The following HMX3 variants were observed in gnomAD, a reference collection of about 807,000 sequenced individuals.
HMX3 encodes homeobox protein HMX3.
Under a neutral mutation model 22.8 loss-of-function variants are expected in HMX3, and 8 were observed. The ratio of observed to expected loss-of-function variants is 0.35; its 90% CI spans 0.21 to 0.63. The LOEUF is 0.63. Among genes scored for constraint, HMX3 ranks in the 30% least tolerant of loss-of-function variants. HMX3 has a pLI of 0.72. For missense variants in HMX3, 527 were observed against 520.6 expected, an observed-to-expected ratio of 1.01 and a Z score of -0.12; for synonymous variants, 331 against 250.9, an observed-to-expected ratio of 1.32 and a Z score of -3.02.
In HMX3 at chr10:123,136,911, G is replaced by GA; in HGVS notation, c.401-145dup. The GA allele has an allele frequency of 3.2e-6, 3 of 942,878 alleles. No homozygotes were observed. In the South Asian group the frequency reaches 5.6e-5, roughly 18 times the overall value. 58.4% of individuals were successfully genotyped at this position (942,878 alleles called of 1,614,324 possible). On this transcript the variant is annotated intron_variant, in intron 1 of 1. Coordinates refer to ENST00000357878, the MANE Select transcript of HMX3 (RefSeq NM_001105574.2). This position sits in a 1 kb window ranked among gnomAD's most constrained non-coding sequence, Gnocchi z 4.8. ...GGCGTCCCTTCTCTGGCCCAGCCGA[G>GA]AAGGAGGCAGCCCGCGGGAATGGTG...
chr10:123,136,497 C>G lies in HMX3; in HGVS notation c.400+47C>G, dbSNP rs1257200716. The G allele has an allele frequency of 7.8e-7, 1 of 1,287,518 alleles. No individual in the cohort carries two copies. The highest frequency in any genetic ancestry group is 1.0e-6 in the Non-Finnish European group (1 of 998,304). The allele number at this position is 1,287,518 out of a possible 1,614,324, so 79.8% of individuals were successfully genotyped here. On this transcript the variant is annotated intron_variant, in intron 1 of 1. Coordinates refer to ENST00000357878, the MANE Select transcript of HMX3 (RefSeq NM_001105574.2). This position sits in a 1 kb window ranked among gnomAD's most constrained non-coding sequence, Gnocchi z 4.8. ...TTCGTTGTCCCCCTGCGCGCCCGCC[C>G]CGTCCCCGCCCCGCGCTGCTTCCCT...
chr10:123,138,632 C>A lies in HMX3; in HGVS notation c.*901C>A, dbSNP rs960326599. 6.6e-6 allele frequency among the ~76,000 whole-genome samples: 1 copy of A among 152,158 alleles called. No homozygotes were observed. The highest frequency in any genetic ancestry group is 1.5e-5 in the Non-Finnish European group (1 of 68,040). On this transcript the variant is annotated 3_prime_UTR_variant, in exon 2 of 2. Transcript: ENST00000357878. ...GAATCCCGACTCAGGCCGCTTTTCT[C>A]TTCTGGAGAGGTCTGTTGCAATTAG... is the stretch of plus-strand genomic sequence containing the variant.
At position 123,137,022 on chromosome 10, in the gene HMX3, G is replaced by C. The variant is rs1193505540; in HGVS notation, c.401-36G>C. 6.4e-7 allele frequency: 1 copy of C among 1,564,510 alleles called. No individual in the cohort carries two copies. Among genetic ancestry groups the C allele is most frequent in the Non-Finnish European group, 8.6e-7 (1 of 1,157,612 alleles). ...GGGCCTCGCTCAAGGCTGTGTCGGT[G>C]TGCATGTGTGTGCGTCCGTCTGTCT... is the stretch of plus-strand genomic sequence containing the variant. On this transcript the variant is annotated intron_variant, in intron 1 of 1. Transcript: ENST00000357878. This position sits in a 1 kb window ranked among gnomAD's most constrained non-coding sequence, Gnocchi z 5.8.
Position 123,137,458 on chromosome 10 carries a change from C to G in HMX3, c.801C>G (p.Thr267=), listed in dbSNP as rs1222037211. ...GCCTGGCCGCGTCCCTGCACCTCAC[C>G]GAGACGCAGGTCAAGATCTGGTTCC... ...RAGLAASLHL[T]ETQVKIWFQN... is the part of the protein sequence containing the mutation. Residue 267 remains threonine (T), a synonymous_variant, in exon 2 of 2, where the codon ACC becomes ACG. Coordinates refer to ENST00000357878, the MANE Select transcript of HMX3 (RefSeq NM_001105574.2). This position sits in a 1 kb window ranked among gnomAD's most constrained non-coding sequence, Gnocchi z 5.8. 1 of 1,613,172 alleles carries G rather than the reference C, an allele frequency of 6.2e-7. No homozygotes were observed. The highest frequency in any genetic ancestry group is 8.5e-7 in the Non-Finnish European group (1 of 1,179,932).
rs1366801185 is a variant in HMX3, at chr10:123,136,613, C to T, written c.400+163C>T. Among the ~76,000 whole-genome samples, 3 of 152,140 alleles carry T rather than the reference C, an allele frequency of 2.0e-5. No individual in the cohort carries two copies. The highest frequency in any genetic ancestry group is 1.3e-4 in the Admixed American group (2 of 15,286). ...TGCCCTCGCGCTGGGTTGCGCTGCC[C>T]GTTAATCCAATCCCACTTGGTGAGA... On this transcript the variant is annotated intron_variant, in intron 1 of 1. Transcript: ENST00000357878. The surrounding 1 kb of genome is among the most constrained non-coding windows in gnomAD (Gnocchi z 4.8).
Position 123,138,147 on chromosome 10 carries a change from C to CT in HMX3, c.*430dup, listed in dbSNP as rs71484512. On this transcript the variant is annotated 3_prime_UTR_variant, in exon 2 of 2. Transcript: ENST00000357878. Reference sequence around the variant, plus strand: ...AATCCCTCTAGTTTATTCTTTTCTGCTTTTTTTTTTTTTTCCGAGACGGAA... The same window carrying CT: ...AATCCCTCTAGTTTATTCTTTTCTGCTTTTTTTTTTTTTTTCCGAGACGGAA... Among the ~76,000 whole-genome samples, 31,819 of 131,848 alleles carry CT rather than the reference C, an allele frequency of 0.24. 4,383 individuals are homozygous for CT. Among genetic ancestry groups the CT allele is most frequent in the African/African-American group, 0.26 (9,327 of 35,930 alleles). The allele number at this position is 131,848 out of a possible 152,430, so 86.5% of individuals were successfully genotyped here. A position where few individuals can be genotyped will look rare whatever the true frequency, so the allele number is the denominator to read the frequency against.
chr10:123,137,785 G>T lies in HMX3; in HGVS notation c.*54G>T. On this transcript the variant is annotated 3_prime_UTR_variant, in exon 2 of 2. Coordinates refer to ENST00000357878, the MANE Select transcript of HMX3 (RefSeq NM_001105574.2). The surrounding 1 kb of genome is among the most constrained non-coding windows in gnomAD (Gnocchi z 5.8). ...CCGGCCTCCTTGTCCGGACCCCGGA[G>T]GAGACTGGGCCGGGCCGAGGGCGCC... 7.5e-7 allele frequency: 1 copy of T among 1,336,128 alleles called. No homozygotes were observed. Among genetic ancestry groups the T allele is most frequent in the Non-Finnish European group, 9.8e-7 (1 of 1,022,426 alleles). The allele number at this position is 1,336,128 out of a possible 1,614,324, so 82.8% of individuals were successfully genotyped here.
Position 123,136,020 on chromosome 10 carries a change from T to C in HMX3, c.-31T>C. 7.6e-7 allele frequency: 1 copy of C among 1,310,890 alleles called. No individual in the cohort carries two copies. Among genetic ancestry groups the C allele is most frequent in the Non-Finnish European group, 9.7e-7 (1 of 1,028,264 alleles). 81.2% of individuals were successfully genotyped at this position (1,310,890 alleles called of 1,614,324 possible). On this transcript the variant is annotated 5_prime_UTR_variant, in exon 1 of 2. Transcript: ENST00000357878. The surrounding 1 kb of genome is among the most constrained non-coding windows in gnomAD (Gnocchi z 4.8). ...CCCGCCGCCCGCCTGTCCCGCTCCC[T>C]CCCTCCCGGGGACCCGGAGGAGAGG...
In HMX3 at chr10:123,136,524, C is replaced by CT. The variant is rs1844077854; in HGVS notation, c.400+74_400+75insT. ...GTCCCCGCCCCGCGCTGCTTCCCTC[C>CT]GCAGTTCTGGGACCCCAGCACCCGC... On this transcript the variant is annotated intron_variant, in intron 1 of 1. Transcript: ENST00000357878. This position sits in a 1 kb window ranked among gnomAD's most constrained non-coding sequence, Gnocchi z 4.8. 1.7e-6 allele frequency: 2 copies of CT among 1,209,502 alleles called. No individual in the cohort carries two copies. The highest frequency in any genetic ancestry group is 2.1e-6 in the Non-Finnish European group (2 of 935,160). 74.9% of individuals were successfully genotyped at this position (1,209,502 alleles called of 1,614,324 possible). A position where few individuals can be genotyped will look rare whatever the true frequency, so the allele number is the denominator to read the frequency against.
Position 123,137,155 on chromosome 10 carries a change from G to T in HMX3, c.498G>T (p.Glu166Asp). The T allele has an allele frequency of 6.2e-7, 1 of 1,607,072 alleles. No homozygotes were observed. The highest frequency in any genetic ancestry group is 2.2e-5 in the East Asian group (1 of 44,600). The change falls in exon 2 of 2, where the codon GAG becomes GAT. Residue 166 changes from glutamate to aspartate, a missense_variant. Coordinates refer to ENST00000357878, the MANE Select transcript of HMX3 (RefSeq NM_001105574.2). The surrounding 1 kb of genome is among the most constrained non-coding windows in gnomAD (Gnocchi z 5.8). ...PLLKADPDHKELDSKSPDEII... is the reference protein window; with the variant it reads ...PLLKADPDHKDLDSKSPDEII... Reference sequence around the variant, plus strand: ...TCAAGGCCGACCCCGATCACAAGGAGCTGGACTCCAAGAGCCCGGACGAGA... The same window carrying T: ...TCAAGGCCGACCCCGATCACAAGGATCTGGACTCCAAGAGCCCGGACGAGA...
In HMX3 at chr10:123,137,826, C is replaced by A; in HGVS notation, c.*95C>A. 1.1e-6 allele frequency: 1 copy of A among 924,870 alleles called. No homozygotes were observed. Among genetic ancestry groups the A allele is most frequent in the East Asian group, 3.0e-5 (1 of 32,994 alleles). The allele number at this position is 924,870 out of a possible 1,614,324, so 57.3% of individuals were successfully genotyped here. ...CGAGGGCGCCGAGAAGTCCAGCGGC[C>A]TTCAGGAACTGGGGCTTGGGCGCGC... is the stretch of plus-strand genomic sequence containing the variant. On this transcript the variant is annotated 3_prime_UTR_variant, in exon 2 of 2. Coordinates refer to ENST00000357878, the MANE Select transcript of HMX3 (RefSeq NM_001105574.2). The surrounding 1 kb of genome is among the most constrained non-coding windows in gnomAD (Gnocchi z 5.8).
chr10:123,137,725 G>A lies in HMX3; in HGVS notation c.1068G>A (p.Pro356=), dbSNP rs764149353. ...PVVSSVPLLR[P]V is the part of the protein sequence containing the mutation. ...TCTCTTCCGTGCCGCTGCTACGGCC[G>A]GTCTGAGGCCCCAGAGGGGTGGGGG... Residue 356 remains proline (P), a synonymous_variant, in exon 2 of 2, where the codon CCG becomes CCA. Coordinates refer to ENST00000357878, the MANE Select transcript of HMX3 (RefSeq NM_001105574.2). The surrounding 1 kb of genome is among the most constrained non-coding windows in gnomAD (Gnocchi z 5.8). 1.4e-6 allele frequency: 2 copies of A among 1,438,326 alleles called. No homozygotes were observed. Among genetic ancestry groups the A allele is most frequent in the Non-Finnish European group, 1.8e-6 (2 of 1,102,512 alleles). 89.1% of individuals were successfully genotyped at this position (1,438,326 alleles called of 1,614,324 possible).
In HMX3 at chr10:123,138,332, T is replaced by G. The variant is rs1438968869; in HGVS notation, c.*601T>G. On this transcript the variant is annotated 3_prime_UTR_variant, in exon 2 of 2. Coordinates refer to ENST00000357878, the MANE Select transcript of HMX3 (RefSeq NM_001105574.2). ...GTCCGGCTAATTTTTGTATTTTTAG[T>G]AGAGACGCGGTTTCACCATGTTGGC... Among the ~76,000 whole-genome samples, 1 of 152,078 alleles carries G rather than the reference T, an allele frequency of 6.6e-6. No homozygotes were observed. Among genetic ancestry groups the G allele is most frequent in the East Asian group, 1.9e-4 (1 of 5,200 alleles).
chr10:123,137,435 C>T lies in HMX3; in HGVS notation c.778C>T (p.Leu260=), dbSNP rs1844090108. 1 of 1,613,320 alleles carries T rather than the reference C, an allele frequency of 6.2e-7. No individual in the cohort carries two copies. The highest frequency in any genetic ancestry group is 1.7e-5 in the Admixed American group (1 of 60,008). The change falls in exon 2 of 2, where the codon CTG becomes TTG. Residue 260 remains leucine, a synonymous_variant. Coordinates refer to ENST00000357878, the MANE Select transcript of HMX3 (RefSeq NM_001105574.2). This position sits in a 1 kb window ranked among gnomAD's most constrained non-coding sequence, Gnocchi z 5.8. ...TCTGAGCAGCTCGGAGCGAGCCGGC[C>T]TGGCCGCGTCCCTGCACCTCACCGA... is the stretch of plus-strand genomic sequence containing the variant. ...RYLSSSERAG[L]AASLHLTETQ... is the part of the protein sequence containing the mutation.
At position 123,137,538 on chromosome 10, in the gene HMX3, A is replaced by C; in HGVS notation, c.881A>C (p.Asn294Thr). 6.2e-7 allele frequency: 1 copy of C among 1,611,500 alleles called. No individual in the cohort carries two copies. The highest frequency in any genetic ancestry group is 1.1e-5 in the South Asian group (1 of 91,046). The change falls in exon 2 of 2, where the codon AAC becomes ACC. Residue 294 changes from asparagine (N) to threonine (T), a missense_variant. Transcript: ENST00000357878. This position sits in a 1 kb window ranked among gnomAD's most constrained non-coding sequence, Gnocchi z 5.8. ...CTGGCGGCGGAGCTGGAGGCGGCCA[A>C]CCTGAGCCATGCCGCGGCGCAGCGC... ...RQLAAELEAA[N>T]LSHAAAQRIV... is the part of the protein sequence containing the mutation.
chr10:123,137,816 G>A lies in HMX3; in HGVS notation c.*85G>A, dbSNP rs946477926. The A allele has an allele frequency of 1.2e-5, 13 of 1,071,990 alleles. No homozygotes were observed. The highest frequency in any genetic ancestry group is 1.1e-4 in the Admixed American group (3 of 28,422). 66.4% of individuals were successfully genotyped at this position (1,071,990 alleles called of 1,614,324 possible). A position where few individuals can be genotyped will look rare whatever the true frequency, so the allele number is the denominator to read the frequency against. ...TGGGCCGGGCCGAGGGCGCCGAGAA[G>A]TCCAGCGGCCTTCAGGAACTGGGGC... On this transcript the variant is annotated 3_prime_UTR_variant, in exon 2 of 2. Coordinates refer to ENST00000357878, the MANE Select transcript of HMX3 (RefSeq NM_001105574.2). The surrounding 1 kb of genome is among the most constrained non-coding windows in gnomAD (Gnocchi z 5.8).
Position 123,137,478 on chromosome 10 carries a change from G to A in HMX3, c.821G>A (p.Trp274Ter). Residue 274 changes from tryptophan (W) to a stop codon, truncating the protein, a stop_gained, in exon 2 of 2, where the codon TGG becomes TAG. Coordinates refer to ENST00000357878, the MANE Select transcript of HMX3 (RefSeq NM_001105574.2). LOFTEE classifies it high-confidence loss of function. This position sits in a 1 kb window ranked among gnomAD's most constrained non-coding sequence, Gnocchi z 5.8. ...CTCACCGAGACGCAGGTCAAGATCT[G>A]GTTCCAGAACCGCCGCAACAAGTGG... ...LHLTETQVKI[W>*]FQNRRNKWKR... 1 of 1,612,950 alleles carries A rather than the reference G, an allele frequency of 6.2e-7. No homozygotes were observed. The highest frequency in any genetic ancestry group is 8.5e-7 in the Non-Finnish European group (1 of 1,179,848).
Position 123,137,239 on chromosome 10 carries a change from CGCGGCCGGGGCGAGCGTAGGGGCGGCG to C in HMX3, c.589_615del (p.Gly197_Ala205del). On this transcript the variant is annotated inframe_deletion, in exon 2 of 2. Coordinates refer to ENST00000357878, the MANE Select transcript of HMX3 (RefSeq NM_001105574.2). This position sits in a 1 kb window ranked among gnomAD's most constrained non-coding sequence, Gnocchi z 5.8. ...AAAAGGAAGGCGAAGCGGCGCCAGG[CGCGGCCGGGGCGAGCGTAGGGGCGGCG>C]GCGGCCACTCCGGGCGCAGAAGACT... 4 of 1,593,694 alleles carry C rather than the reference CGCGGCCGGGGCGAGCGTAGGGGCGGCG, an allele frequency of 2.5e-6. No homozygotes were observed. Among genetic ancestry groups the C allele is most frequent in the Non-Finnish European group, 3.4e-6 (4 of 1,170,310 alleles).
chr10:123,136,116 C>G lies in HMX3; in HGVS notation c.66C>G (p.Pro22=), dbSNP rs752938497. The G allele has an allele frequency of 6.5e-5, 90 of 1,376,026 alleles. No homozygotes were observed. Among genetic ancestry groups the G allele is most frequent in the Middle Eastern group, 2.4e-4 (1 of 4,084 alleles). The allele number at this position is 1,376,026 out of a possible 1,614,324, so 85.2% of individuals were successfully genotyped here. The change falls in exon 1 of 2, where the codon CCC becomes CCG. Residue 22 remains proline, a synonymous_variant. Coordinates refer to ENST00000357878, the MANE Select transcript of HMX3 (RefSeq NM_001105574.2). This position sits in a 1 kb window ranked among gnomAD's most constrained non-coding sequence, Gnocchi z 4.8. Reference sequence around the variant, plus strand: ...CACAGCCCCAACCGCCGCCGCCCCCCCCACCCGCTCCCAAGGAGTCCCCGT... The same window carrying G: ...CACAGCCCCAACCGCCGCCGCCCCCGCCACCCGCTCCCAAGGAGTCCCCGT... ...ASAQPQPPPP[P]PPAPKESPFS...
Sources: gnomAD v4.1 joint callset for allele counts (sites outside exome capture counted in the v4.1 genomes callset) on GRCh38, gnomAD v4.1.1 for gene constraint, Gnocchi (gnomAD v3.1) non-coding constraint, MANE v1.5 for transcripts, NCBI Gene and HGNC (gene_info 2026-07-23, HGNC 2026-07-21) for gene names.